The following EIF1 variants were observed in gnomAD, a reference collection of about 807,000 sequenced individuals.
EIF1 encodes protein translation factor SUI1 homolog.
Under a neutral mutation model 13.7 loss-of-function variants are expected in EIF1, and 4 were observed. That is an observed-to-expected ratio of 0.29 (90% CI 0.14 to 0.67). The LOEUF is 0.67. Ranked by LOEUF, EIF1 falls within the 30% of genes least tolerant of loss-of-function variation. EIF1 has a pLI of 0.77. For missense variants in EIF1, 64 were observed against 138.0 expected, an observed-to-expected ratio of 0.46 and a Z score of 2.69; for synonymous variants, 67 against 50.7, an observed-to-expected ratio of 1.32 and a Z score of -1.37.
At chr17:41,689,453 G>A (rs1398699258) in intron 1 of EIF1, 6 of 474,760 alleles carry the variant, frequency 1.3e-5, no homozygotes, top group Non-Finnish European at 1.9e-5. Context: ...ACCAATGGGG[G>A]TGGGAGGCTT....
chr17:41,690,658 C>A, intron 3 of EIF1, 124 bp from the exon 4 acceptor site: 1 of 1,004,674 alleles, frequency 1.0e-6, no homozygotes, highest in Non-Finnish European at 1.5e-6. Flanking sequence ...CTCTGTTGAA[C>A]CATTGTGCGC....
In EIF1 at chr17:41,690,982, A is replaced by G. The variant is rs1184201624; in HGVS notation, c.*156A>G. On this transcript the variant is annotated 3_prime_UTR_variant, in exon 4 of 4. Transcript: ENST00000469257. Reference sequence around the variant, plus strand: ...TGGACTAGTGTAACTCCTTCATGCAATAAACTGAAAAGAGCCATGCTGTCT... The same window carrying G: ...TGGACTAGTGTAACTCCTTCATGCAGTAAACTGAAAAGAGCCATGCTGTCT... 14 of 735,066 alleles carry G rather than the reference A, an allele frequency of 1.9e-5. No individual in the cohort carries two copies. Among genetic ancestry groups the G allele is most frequent in the South Asian group, 1.5e-4 (9 of 58,840 alleles). The allele number at this position is 735,066 out of a possible 1,614,324, so 45.5% of individuals were successfully genotyped here. A position where few individuals can be genotyped will look rare whatever the true frequency, so the allele number is the denominator to read the frequency against.
chr17:41,690,425 G>A (rs759783033), intron 3 of EIF1: 2 of 562,112 alleles, frequency 3.6e-6, no homozygotes, highest in Non-Finnish European at 6.3e-6. Flanking sequence ...ATAGCATATA[G>A]ATGCATTGTA....
Position 41,689,267 on chromosome 17 carries a change from T to C in EIF1, c.31+198T>C. ...GAGCGCGACCGGAAGGAGCAGGCGGTAGGTCAGCCCTTGGGCGGGCCCGGC... is the reference window on the plus strand; with the variant it reads ...GAGCGCGACCGGAAGGAGCAGGCGGCAGGTCAGCCCTTGGGCGGGCCCGGC... On this transcript the variant is annotated intron_variant, in intron 1 of 3. Coordinates refer to ENST00000469257, the MANE Select transcript of EIF1 (RefSeq NM_005801.4). The C allele has an allele frequency of 6.2e-6, 4 of 646,206 alleles. No individual in the cohort carries two copies. The Admixed American group carries it at 8.8e-5, about 14-fold the overall frequency. The allele number at this position is 646,206 out of a possible 1,614,324, so 40.0% of individuals were successfully genotyped here.
intron 1 of EIF1, 66 bp downstream of exon 1, chr17:41,689,135 T>G (rs1910287448): frequency 1.3e-6 from 2 of 1,578,148 alleles, no homozygotes; most frequent in African/African-American, 2.7e-5. Flanking sequence ...GGAGACGTGT[T>G]CCGGGAAGTT....
chr17:41,690,301 C>A, intron 3 of EIF1, 112 bp downstream of exon 3: 1 of 791,012 alleles, frequency 1.3e-6, no homozygotes, highest in East Asian at 2.5e-5. Context: ...AGCAAAACCT[C>A]AGTTGGGTTT....
At chr17:41,689,185 A>G (rs955246559) in intron 1 of EIF1, 116 bp downstream of exon 1, 1 of 1,245,968 alleles carries the variant, frequency 8.0e-7, no homozygotes, top group Admixed American at 1.8e-5. Flanking sequence ...GGCAGGGGAA[A>G]CTTGACCAGG....
rs767112766 is a variant in EIF1 at position 41,690,112 on chromosome 17, A to G, written c.220A>G (p.Ile74Val). ...KKKFACNGTV[I>V]EHPEYGEVIQ... ...GAAGTTTGCCTGCAATGGTACTGTA[A>G]TTGAGCATCCGGAATATGGAGAAGT... Residue 74 changes from isoleucine to valine, a missense_variant, in exon 3 of 4, where the codon ATT becomes GTT. Coordinates refer to ENST00000469257, the MANE Select transcript of EIF1 (RefSeq NM_005801.4). The G allele has an allele frequency of 3.7e-6, 6 of 1,614,198 alleles. No individual in the cohort carries two copies. The highest frequency in any genetic ancestry group is 1.7e-4 in the Middle Eastern group (1 of 6,058).
intron 2 of EIF1, 42 bp from the exon 3 acceptor site, chr17:41,690,046 A>G (rs1910326845): frequency 1.9e-6 from 3 of 1,611,262 alleles, no homozygotes; most frequent in Middle Eastern, 1.6e-4. Flanking sequence ...AAATGCGTTC[A>G]TGCTCTTGCT....
chr17:41,688,914 T>C lies in EIF1; in HGVS notation c.-125T>C, dbSNP rs1320829158. On this transcript the variant is annotated 5_prime_UTR_variant, in exon 1 of 4. Transcript: ENST00000469257. ...CAGTCACTGAGCCGCCGCCGAGGAT[T>C]CAGCAGCCTCCCCCTTGAGCCCCCT... is the stretch of plus-strand genomic sequence containing the variant. 1.0e-6 allele frequency: 1 copy of C among 952,646 alleles called. No homozygotes were observed. Among genetic ancestry groups the C allele is most frequent in the Admixed American group, 2.2e-5 (1 of 46,360 alleles). The allele number at this position is 952,646 out of a possible 1,614,324, so 59.0% of individuals were successfully genotyped here. A position where few individuals can be genotyped will look rare whatever the true frequency, so the allele number is the denominator to read the frequency against.
intron 1 of EIF1, 186 bp downstream of exon 1, chr17:41,689,255 A>T: frequency 1.5e-6 from 1 of 678,134 alleles, no homozygotes; most frequent in East Asian, 2.7e-5. Flanking sequence ...CGCGACCGGA[A>T]GGAGCAGGCG....
At position 41,692,219 on chromosome 17, in the gene EIF1, A is replaced by C. The variant is rs1910401767; in HGVS notation, c.*1393A>C. On this transcript the variant is annotated 3_prime_UTR_variant, in exon 4 of 4. Transcript: ENST00000469257. ...AGTAACAGCCTTGGTTTAAGGGCGC[A>C]GAGTGGAGAGTAAATGCAAGGGCTA... The C allele has an allele frequency of 6.6e-6, 1 of 152,244 alleles. No homozygotes were observed. Among genetic ancestry groups the C allele is most frequent in the Non-Finnish European group, 1.5e-5 (1 of 68,050 alleles). The allele number at this position is 152,244 out of a possible 1,614,324, so 9.4% of individuals were successfully genotyped here.
rs774230543 is a variant in EIF1 at position 41,689,015 on chromosome 17, A to G, written c.-24A>G. 1.9e-6 allele frequency: 3 copies of G among 1,612,452 alleles called. No individual in the cohort carries two copies. In the Admixed American group the frequency reaches 5.0e-5, roughly 27 times the overall value. On this transcript the variant is annotated 5_prime_UTR_variant, in exon 1 of 4. Coordinates refer to ENST00000469257, the MANE Select transcript of EIF1 (RefSeq NM_005801.4). ...CCGCCGCCTTCCGCAGGCCGTTTCC[A>G]CCGAGGAAAAGGAATCGTATCGTAT...
chr17:41,689,416 T>G, intron 1 of EIF1: 1 of 503,500 alleles, frequency 2.0e-6, no homozygotes, highest in Non-Finnish European at 3.5e-6. Context: ...GGAAAGGCGG[T>G]GCCAGCCCTA....
intron 1 of EIF1, 43 bp downstream of exon 1, chr17:41,689,112 GC>G (rs1567766201): frequency 2.5e-6 from 4 of 1,606,806 alleles, no homozygotes; most frequent in Non-Finnish European, 3.4e-6. Flanking sequence ...GGGCAGCGGG[GC>G]CTTCCGGGCC....
rs1012944004 is a variant in EIF1, at chr17:41,689,109, G to T, written c.31+40G>T. On this transcript the variant is annotated intron_variant, in intron 1 of 3. Transcript: ENST00000469257. ...AGGTCGCGGGCCCGGGTGGGGCAGC[G>T]GGGCCTTCCGGGCCCGGAGACGTGT... is the stretch of plus-strand genomic sequence containing the variant. 2.5e-6 allele frequency: 4 copies of T among 1,608,570 alleles called. No homozygotes were observed. In the Admixed American group the frequency reaches 6.7e-5, roughly 27 times the overall value.
intron 1 of EIF1, 53 bp from the exon 2 acceptor site, chr17:41,689,725 G>A: frequency 2.6e-6 from 4 of 1,515,148 alleles, no homozygotes; most frequent in Non-Finnish European, 3.6e-6. Context: ...CGAGGGGATG[G>A]CAGTGGCATC....
In EIF1 at chr17:41,688,910, G is replaced by A. The variant is rs756926469; in HGVS notation, c.-129G>A. 6.0e-5 allele frequency: 54 copies of A among 907,276 alleles called. No individual in the cohort carries two copies. The highest frequency in any genetic ancestry group is 1.5e-4 in the Admixed American group (7 of 45,186). 56.2% of individuals were successfully genotyped at this position (907,276 alleles called of 1,614,324 possible). A position where few individuals can be genotyped will look rare whatever the true frequency, so the allele number is the denominator to read the frequency against. On this transcript the variant is annotated 5_prime_UTR_variant, in exon 1 of 4. Coordinates refer to ENST00000469257, the MANE Select transcript of EIF1 (RefSeq NM_005801.4). ...GCCCCAGTCACTGAGCCGCCGCCGAGGATTCAGCAGCCTCCCCCTTGAGCC... is the reference window on the plus strand; with the variant it reads ...GCCCCAGTCACTGAGCCGCCGCCGAAGATTCAGCAGCCTCCCCCTTGAGCC...
chr17:41,689,810 C>T lies in EIF1; in HGVS notation c.64C>T (p.Leu22=). ...PFADASKGDD[L]LPAGTEDYIH... is the part of the protein sequence containing the mutation. ...TGCTGATGCAAGTAAGGGTGATGAC[C>T]TGCTTCCTGCTGGCACTGAGGATTA... Residue 22 remains leucine (L), a synonymous_variant, in exon 2 of 4, where the codon CTG becomes TTG. Coordinates refer to ENST00000469257, the MANE Select transcript of EIF1 (RefSeq NM_005801.4). The T allele has an allele frequency of 6.2e-7, 1 of 1,612,794 alleles. No individual in the cohort carries two copies. The highest frequency in any genetic ancestry group is 1.7e-5 in the Admixed American group (1 of 59,862).
Sources: allele counts gnomAD v4.1 joint callset, GRCh38; gene constraint gnomAD v4.1.1; transcripts MANE v1.5; gene names NCBI Gene and HGNC (gene_info 2026-07-23, HGNC 2026-07-21).